Variants in ACSS1 observed in about 807,000 individuals in gnomAD.
ACSS1 encodes the protein acyl-CoA synthetase short chain family member 1.
Under a neutral mutation model 75.3 loss-of-function variants are expected in ACSS1, and 42 were observed. The observed-to-expected ratio is 0.56, with a 90% CI of 0.44 to 0.72. The LOEUF is 0.72. Among genes scored for constraint, ACSS1 ranks in the 30% least tolerant of loss-of-function variants. The pLI is 0.00. For synonymous variants in ACSS1, 380 were observed against 376.8 expected, an observed-to-expected ratio of 1.01 and a Z score of -0.10; for missense variants, 782 against 935.7, an observed-to-expected ratio of 0.84 and a Z score of 2.14.
intron 2 of ACSS1, among the ~76,000 whole-genome samples, chr20:25,044,386 G>T (rs2089052379): frequency 6.6e-6 from 1 of 152,120 alleles, no homozygotes; most frequent in African/African-American, 2.4e-5. Flanking sequence ...CCAGTACTTG[G>T]GAGGCCAAGG....
At chr20:25,038,291 T>C (rs2088947864) in intron 2 of ACSS1, among the ~76,000 whole-genome samples, 1 of 152,182 alleles carries the variant, frequency 6.6e-6, no homozygotes, top group South Asian at 2.1e-4. Context: ...AAACAATGAC[T>C]GATCAGAGAG....
At chr20:25,042,274 G>C (rs2089017160) in intron 2 of ACSS1, among the ~76,000 whole-genome samples, 1 of 152,178 alleles carries the variant, frequency 6.6e-6, no homozygotes, top group Admixed American at 6.5e-5. Flanking sequence ...GCAGCCTGGG[G>C]CTGGAGGAAA....
chr20:25,032,390 A>G, intron 2 of ACSS1: 2 of 1,401,684 alleles, frequency 1.4e-6, no homozygotes, highest in South Asian at 3.2e-5. Context: ...TGCGAAGTGG[A>G]GGAAGTGGAA....
chr20:25,013,871 A>G lies in ACSS1; in HGVS notation c.1452+90T>C, dbSNP rs113480214. 4,742 of 1,414,600 alleles carry G rather than the reference A, an allele frequency of 3.4e-3. 125 individuals are homozygous for G. In the African/African-American group the frequency reaches 0.057, roughly 17 times the overall value. 87.6% of individuals were successfully genotyped at this position (1,414,600 alleles called of 1,614,324 possible). A position where few individuals can be genotyped will look rare whatever the true frequency, so the allele number is the denominator to read the frequency against. ...GTCAGCAGCCTCCTGCCAGGTACAG[A>G]CCTGGGCACACAGGAGAGAGCTGGG... On this transcript the variant is annotated intron_variant, in intron 9 of 13. Coordinates refer to ENST00000323482, the MANE Select transcript of ACSS1 (RefSeq NM_032501.4).
At position 25,007,419 on chromosome 20, in the gene ACSS1, A is replaced by G; in HGVS notation, c.*343T>C. 1 of 1,147,560 alleles carries G rather than the reference A, an allele frequency of 8.7e-7. No individual in the cohort carries two copies. Among genetic ancestry groups the G allele is most frequent in the Non-Finnish European group, 1.1e-6 (1 of 930,622 alleles). 71.1% of individuals were successfully genotyped at this position (1,147,560 alleles called of 1,614,324 possible). ...GCTACTAGCTAACTAGCTCTGTGTT[A>G]TCTGAGCAGGCGCGCTATCCCAGGG... On this transcript the variant is annotated 3_prime_UTR_variant, in exon 14 of 14. Coordinates refer to ENST00000323482, the MANE Select transcript of ACSS1 (RefSeq NM_032501.4).
intron 3 of ACSS1, among the ~76,000 whole-genome samples, chr20:25,027,883 T>G (rs895961232): frequency 4.0e-5 from 6 of 151,102 alleles, no homozygotes; most frequent in Non-Finnish European, 7.4e-5. Context: ...TCCTAATGAA[T>G]CCACAAAAAA....
chr20:25,052,641 A>G (rs1440844911), intron 1 of ACSS1, among the ~76,000 whole-genome samples: 1 of 152,212 alleles, frequency 6.6e-6, no homozygotes, highest in Non-Finnish European at 1.5e-5. Flanking sequence ...GGTATTGAGC[A>G]TTTTCTGGAT....
chr20:25,038,902 C>T (rs962439464), intron 2 of ACSS1, among the ~76,000 whole-genome samples: 6 of 152,162 alleles, frequency 3.9e-5, no homozygotes, highest in Middle Eastern at 3.2e-3. Flanking sequence ...CAAGCTTCTC[C>T]AGCCATGATT....
chr20:25,051,615 T>C (rs1004334894), intron 1 of ACSS1, among the ~76,000 whole-genome samples: 1 of 152,214 alleles, frequency 6.6e-6, no homozygotes, highest in African/African-American at 2.4e-5. Context: ...GACCCGACTC[T>C]GACGATGTGT....
At chr20:25,020,949 A>G (rs1433537516) in intron 6 of ACSS1, among the ~76,000 whole-genome samples, 1 of 152,250 alleles carries the variant, frequency 6.6e-6, no homozygotes, top group African/African-American at 2.4e-5. Context: ...TCTCAATTTA[A>G]TGGAGATGGT....
intron 3 of ACSS1, among the ~76,000 whole-genome samples, chr20:25,027,715 G>A (rs1410272095): frequency 6.7e-6 from 1 of 150,290 alleles, no homozygotes; most frequent in Non-Finnish European, 1.5e-5. Context: ...AACAAAACAA[G>A]GATGCCCACT....
chr20:25,006,474 T>A lies in ACSS1; in HGVS notation c.*1288A>T. ...AACACCACCTCCTGGGCTTCACAGGTTCACTCACCCAAGAGGCCAGCACAA... is the reference window on the plus strand; with the variant it reads ...AACACCACCTCCTGGGCTTCACAGGATCACTCACCCAAGAGGCCAGCACAA... On this transcript the variant is annotated 3_prime_UTR_variant, in exon 14 of 14. Transcript: ENST00000323482. 4.7e-6 allele frequency: 1 copy of A among 212,936 alleles called. No homozygotes were observed. The highest frequency in any genetic ancestry group is 5.2e-5 in the Admixed American group (1 of 19,342). The allele number at this position is 212,936 out of a possible 1,614,324, so 13.2% of individuals were successfully genotyped here. A position where few individuals can be genotyped will look rare whatever the true frequency, so the allele number is the denominator to read the frequency against.
chr20:25,024,801 T>G (rs531159516), intron 3 of ACSS1, among the ~76,000 whole-genome samples: 40 of 152,282 alleles, frequency 2.6e-4, no homozygotes, highest in African/African-American at 9.6e-4. Flanking sequence ...GCCCTGGAGA[T>G]GTCATGGCCA....
intron 1 of ACSS1, 35 bp from the exon 2 acceptor site, chr20:25,048,216 G>C (rs1568849662): frequency 1.3e-6 from 2 of 1,595,118 alleles, no homozygotes; most frequent in African/African-American, 1.3e-5. Context: ...TGTTACACTT[G>C]GTGCTTTTTG....
At chr20:25,030,616 G>T in intron 3 of ACSS1, 143 bp downstream of exon 3, 1 of 935,688 alleles carries the variant, frequency 1.1e-6, no homozygotes, top group Non-Finnish European at 1.6e-6. Flanking sequence ...ATTCGGCCAT[G>T]TGCCTGTCCC....
intron 5 of ACSS1, among the ~76,000 whole-genome samples, chr20:25,022,365 C>A (rs1281047875): frequency 8.4e-6 from 1 of 118,820 alleles, no homozygotes; most frequent in Non-Finnish European, 1.9e-5. Context: ...CATGAAAAAA[C>A]AAAACAAAAC....
chr20:25,032,187 G>A (rs771514498), intron 2 of ACSS1, among the ~76,000 whole-genome samples: 21 of 152,202 alleles, frequency 1.4e-4, no homozygotes, highest in Admixed American at 3.3e-4. Context: ...TATGGTGTGC[G>A]CATGCCCTTC....
In ACSS1 at chr20:25,048,240, C is replaced by T. The variant is rs928194070; in HGVS notation, c.335-59G>A. ...TGGTGCTTTTTGAGTGAGAATTCGG[C>T]CAGGTTGAGGGGTTGGAGCGGGTCT... On this transcript the variant is annotated intron_variant, in intron 1 of 13. Coordinates refer to ENST00000323482, the MANE Select transcript of ACSS1 (RefSeq NM_032501.4). The T allele has an allele frequency of 1.4e-5, 21 of 1,510,186 alleles. 1 individual carries two copies. The highest frequency in any genetic ancestry group is 1.7e-4 in the Middle Eastern group (1 of 5,896). 93.5% of individuals were successfully genotyped at this position (1,510,186 alleles called of 1,614,324 possible).
At chr20:25,013,932 A>AC in intron 9 of ACSS1, 29 bp downstream of exon 9, 2 of 1,584,814 alleles carry the variant, frequency 1.3e-6, no homozygotes, top group South Asian at 2.2e-5. Context: ...CAAGCACATG[A>AC]CCCCCATGTG....
Sources: allele counts gnomAD v4.1 joint callset (sites outside exome capture counted in the v4.1 genomes callset), GRCh38; gene constraint gnomAD v4.1.1; transcripts MANE v1.5; gene names NCBI Gene and HGNC (gene_info 2026-07-23, HGNC 2026-07-21).